The following CNTN5 variants were observed in gnomAD, a reference collection of about 807,000 sequenced individuals.
CNTN5 encodes contactin-5.
A neutral mutation model predicts 129.1 loss-of-function variants in CNTN5; 77 were observed. The observed-to-expected ratio is 0.60, with a 90% confidence interval of 0.50 to 0.72. The LOEUF (loss-of-function observed/expected upper bound fraction) is 0.72. CNTN5 is among the 30% of genes least tolerant of loss of function. The pLI is 0.00. For missense variants in CNTN5, 1,478 were observed against 1,328.8 expected (o/e 1.11, Z -1.75); for synonymous variants, 509 against 465.6 (o/e 1.09, Z -1.20).
At chr11:99,447,901 G>A (rs1053806627) in intron 2 of CNTN5, among the ~76,000 whole-genome samples, 2 of 152,014 alleles carry the variant, frequency 1.3e-5, no homozygotes, top group African/African-American at 4.8e-5. Flanking sequence ...CTCCTGCCTG[G>A]GTAACAGGGC....
At chr11:100,108,117 T>G (rs889978896) in intron 13 of CNTN5, among the ~76,000 whole-genome samples, 1 of 151,452 alleles carries the variant, frequency 6.6e-6, no homozygotes, top group Non-Finnish European at 1.5e-5. Flanking sequence ...GAGTTTGAGG[T>G]CATACTTGTG....
intron 8 of CNTN5, among the ~76,000 whole-genome samples, chr11:99,969,080 CA>C (rs1414645375): frequency 1.3e-5 from 2 of 151,956 alleles, no homozygotes; most frequent in African/African-American, 2.4e-5. Context: ...CCATACAATC[CA>C]ATTTCTTCCT....
At chr11:100,171,316 G>A (rs1023441696) in intron 13 of CNTN5, among the ~76,000 whole-genome samples, 2 of 152,000 alleles carry the variant, frequency 1.3e-5, no homozygotes, top group Non-Finnish European at 2.9e-5. Flanking sequence ...AGTGGTTTCA[G>A]AAGAGCACTT....
At chr11:100,205,842 A>C (rs1441059544) in intron 15 of CNTN5, among the ~76,000 whole-genome samples, 2 of 152,110 alleles carry the variant, frequency 1.3e-5, no homozygotes, top group African/African-American at 4.8e-5. Flanking sequence ...GCAAGCATGC[A>C]TTGTGCTATG....
intron 2 of CNTN5, among the ~76,000 whole-genome samples, chr11:99,493,534 C>A (rs935784660): frequency 6.6e-6 from 1 of 152,164 alleles, no homozygotes; most frequent in Non-Finnish European, 1.5e-5. Context: ...TTTATAAATT[C>A]AGTTAGCAAA....
chr11:99,117,015 A>T (rs549234821), intron 1 of CNTN5, among the ~76,000 whole-genome samples: 1 of 152,300 alleles, frequency 6.6e-6, no homozygotes, highest in South Asian at 2.1e-4. Flanking sequence ...AGGCTTAATG[A>T]AGGAAGAGGA....
chr11:99,295,768 G>T lies in CNTN5; in HGVS notation c.-209-29578G>T, dbSNP rs1047771635. Among the ~76,000 whole-genome samples the T allele has an allele frequency of 4.0e-5, 6 of 151,598 alleles. No homozygotes were observed. The East Asian group carries it at 1.2e-3, about 30-fold the overall frequency. On this transcript the variant is annotated intron_variant, in intron 1 of 24. Coordinates refer to ENST00000524871, the MANE Select transcript of CNTN5 (RefSeq NM_014361.4). Reference sequence around the variant, plus strand: ...GCGGGCGCCTGTAGTCCCAGCTACTGGGGAGGCTGAGGCAGGAGAATGGCG... The same window carrying T: ...GCGGGCGCCTGTAGTCCCAGCTACTTGGGAGGCTGAGGCAGGAGAATGGCG...
In CNTN5 at chr11:99,794,597, T is replaced by C. The variant is rs1296743005; in HGVS notation, c.56-24947T>C. Among the ~76,000 whole-genome samples, 5 of 152,214 alleles carry C rather than the reference T, an allele frequency of 3.3e-5. No individual in the cohort carries two copies. In the East Asian group the frequency reaches 9.6e-4, roughly 29 times the overall value. On this transcript the variant is annotated intron_variant, in intron 3 of 24. Transcript: ENST00000524871. ...TTCCATATTTAGCACTCCTTCAGGA[T>C]GTTTTGTAAGGCAGATCTTTTGGTA... is the stretch of plus-strand genomic sequence containing the variant.
chr11:100,337,364 C>A, intron 21 of CNTN5: 9 of 818,468 alleles, frequency 1.1e-5, no homozygotes, highest in South Asian at 8.0e-5. Context: ...GATCACAAAG[C>A]GAACAGCCAG....
intron 1 of CNTN5, among the ~76,000 whole-genome samples, chr11:99,056,728 G>A (rs1257448823): frequency 6.6e-6 from 1 of 151,882 alleles, no homozygotes; most frequent in Non-Finnish European, 1.5e-5. Context: ...ATTGACTTGG[G>A]GAATACAAGA....
In CNTN5 at chr11:99,956,806, A is replaced by C. The variant is rs202063081; in HGVS notation, c.674A>C (p.Glu225Ala). ...TTGACCAAATTTTGTGTATTTTCAG[A>C]GATCATCTATAGCTGGGTATTTAAT... ...LMCSPPPHSP[E>A]IIYSWVFNEF... The change falls in exon 8 of 25, where the codon GAG (glutamate) becomes GCG (alanine). Residue 225 changes from glutamate to alanine, a missense_variant and splice_region_variant. Physicochemically the swap from Glu to Ala is moderately radical, Grantham distance 107. Transcript: ENST00000524871. The C allele has an allele frequency of 1.2e-6, 2 of 1,612,748 alleles. No individual in the cohort carries two copies. The highest frequency in any genetic ancestry group is 2.7e-5 in the African/African-American group (2 of 74,996).
chr11:99,544,318 A>T (rs7946816), intron 2 of CNTN5, among the ~76,000 whole-genome samples: 73,985 of 151,956 alleles, frequency 0.49, 18,479 homozygotes, highest in African/African-American at 0.58. Context: ...ACAACTCAAC[A>T]TGAGATTTAG....
rs144216753 is a variant in CNTN5, at chr11:99,572,319, T to C, written c.55+16050T>C. 7.0e-3 allele frequency among the ~76,000 whole-genome samples: 1,064 copies of C among 152,302 alleles called. 27 individuals are homozygous for C. In the East Asian group the frequency reaches 0.097, roughly 14 times the overall value. Reference sequence around the variant, plus strand: ...AAAGCTAAAAAAAATCGTATTATGTTTTAAGAAAATTTACAAATTTATGTT... The same window carrying C: ...AAAGCTAAAAAAAATCGTATTATGTCTTAAGAAAATTTACAAATTTATGTT... On this transcript the variant is annotated intron_variant, in intron 3 of 24. Transcript: ENST00000524871.
intron 3 of CNTN5, among the ~76,000 whole-genome samples, chr11:99,640,097 G>A (rs1409454792): frequency 6.6e-6 from 1 of 152,028 alleles, no homozygotes; most frequent in African/African-American, 2.4e-5. Context: ...TCAGCATTTT[G>A]GACAAAGCCA....
At chr11:99,717,937 T>C (rs929909905) in intron 3 of CNTN5, among the ~76,000 whole-genome samples, 1 of 152,118 alleles carries the variant, frequency 6.6e-6, no homozygotes, top group Admixed American at 6.6e-5. Context: ...ATGACAATAC[T>C]TAGCACCCCC....
At chr11:100,060,725 C>T (rs61908083) in intron 9 of CNTN5, among the ~76,000 whole-genome samples, 32,739 of 150,090 alleles carry the variant, frequency 0.22, 4,158 homozygotes, top group East Asian at 0.46. Context: ...CTGCAACCTC[C>T]GCTTTCCGGT....
intron 1 of CNTN5, among the ~76,000 whole-genome samples, chr11:99,262,435 C>G (rs1551783): frequency 0.76 from 115,516 of 151,906 alleles, 44,033 homozygotes; most frequent in East Asian, 0.95. Context: ...GCATCTTCTA[C>G]GGGAACTTCT....
chr11:100,337,838 G>A (rs1421119684), intron 21 of CNTN5, among the ~76,000 whole-genome samples: 2 of 152,170 alleles, frequency 1.3e-5, no homozygotes, highest in African/African-American at 4.8e-5. Context: ...AATCCCAGGT[G>A]GAATTGCTTG....
chr11:99,861,206 C>G (rs906522234), intron 6 of CNTN5, among the ~76,000 whole-genome samples: 9 of 152,134 alleles, frequency 5.9e-5, no homozygotes, highest in Non-Finnish European at 1.2e-4. Flanking sequence ...ATCCGCCAGC[C>G]TCAGCCTCCC....
Sources: gnomAD v4.1 joint callset for allele counts (sites outside exome capture counted in the v4.1 genomes callset) on GRCh38, gnomAD v4.1.1 for gene constraint, MANE v1.5 for transcripts, NCBI Gene and HGNC (gene_info 2026-07-23, HGNC 2026-07-21) for gene names.